Variants in MYOF observed in about 807,000 individuals in gnomAD.
The protein encoded by MYOF is myoferlin.
A neutral mutation model predicts 284.2 loss-of-function variants in MYOF; 244 were observed. The ratio of observed to expected loss-of-function variants is 0.86; its 90% CI spans 0.77 to 0.95. MYOF has a LOEUF of 0.95. Ranked by LOEUF, MYOF falls within the 40% of genes least tolerant of loss-of-function variation. The pLI is 0.00. For synonymous variants in MYOF, 904 were observed against 919.7 expected (o/e 0.98, Z 0.31); for missense variants, 2,496 against 2,560.6 (o/e 0.97, Z 0.54).
chr10:93,313,091 G>C lies in MYOF; in HGVS notation c.5818C>G (p.Leu1940Val). Residue 1940 changes from leucine to valine, a missense_variant, in exon 51 of 54, where the codon CTC becomes GTC. Coordinates refer to ENST00000359263, the MANE Select transcript of MYOF (RefSeq NM_013451.4). ...CCTTTCATGGACTTCTGCTCAAAGA[G>C]GGAGGCTGTCTTGGCTTTAAGGGGG... Reference protein sequence around the residue: ...MNPLKAKTASLFEQKSMKGWW... With the variant: ...MNPLKAKTASVFEQKSMKGWW... 1 of 1,614,146 alleles carries C rather than the reference G, an allele frequency of 6.2e-7. No individual in the cohort carries two copies. The highest frequency in any genetic ancestry group is 8.5e-7 in the Non-Finnish European group (1 of 1,180,006).
At chr10:93,436,471 G>C (rs1849124882) in intron 3 of MYOF, among the ~76,000 whole-genome samples, 1 of 131,810 alleles carries the variant, frequency 7.6e-6, no homozygotes, top group Non-Finnish European at 1.7e-5. Context: ...AAGAAAACTG[G>C]ATTTATTTAT....
chr10:93,333,519 C>CGG lies in MYOF; in HGVS notation c.4720-209_4720-208dup, dbSNP rs71483113. On this transcript the variant is annotated intron_variant, in intron 42 of 53. Coordinates refer to ENST00000359263, the MANE Select transcript of MYOF (RefSeq NM_013451.4). ...TGGGTGCAGGGGTGGTGGCAGGGGG[C>CGG]GGGGGGGAGTCCTGGCTCACACCTG... Among the ~76,000 whole-genome samples, 146 of 146,236 alleles carry CGG rather than the reference C, an allele frequency of 1.0e-3. 1 individual carries two copies. The highest frequency in any genetic ancestry group is 6.8e-3 in the Middle Eastern group (2 of 292).
At chr10:93,448,178 C>T (rs1018015406) in intron 3 of MYOF, among the ~76,000 whole-genome samples, 10 of 152,186 alleles carry the variant, frequency 6.6e-5, no homozygotes, top group African/African-American at 2.4e-4. Context: ...ACTTGCTATT[C>T]TCTGCCCAGA....
intron 39 of MYOF, chr10:93,338,605 T>C (rs1843722129): frequency 2.3e-6 from 1 of 437,402 alleles, no homozygotes; most frequent in African/African-American, 2.0e-5. Flanking sequence ...TTATAAAACG[T>C]GAAACGAAAG....
intron 1 of MYOF, among the ~76,000 whole-genome samples, chr10:93,481,166 C>T (rs10882243): frequency 0.18 from 26,761 of 152,174 alleles, 2,707 homozygotes; most frequent in East Asian, 0.52. Flanking sequence ...CCCTCCCCTG[C>T]AATGGCAATC....
In MYOF at chr10:93,455,772, A is replaced by C. The variant is rs547484827; in HGVS notation, c.144+1110T>G. On this transcript the variant is annotated intron_variant, in intron 2 of 53. Coordinates refer to ENST00000359263, the MANE Select transcript of MYOF (RefSeq NM_013451.4). Reference sequence around the variant, plus strand: ...GGGTGGAGGGGAGCCTTCATGGCCTAGTGACTTGGTGAAAATAACAAAGAC... The same window carrying C: ...GGGTGGAGGGGAGCCTTCATGGCCTCGTGACTTGGTGAAAATAACAAAGAC... Among the ~76,000 whole-genome samples, 6 of 152,306 alleles carry C rather than the reference A, an allele frequency of 3.9e-5. 1 individual carries two copies. The South Asian group carries it at 1.2e-3, about 32-fold the overall frequency.
In MYOF at chr10:93,482,234, T is replaced by G. The variant is rs763557752; in HGVS notation, c.-40A>C. On this transcript the variant is annotated 5_prime_UTR_variant, in exon 1 of 54. Coordinates refer to ENST00000359263, the MANE Select transcript of MYOF (RefSeq NM_013451.4). ...AGAAAGCAAGTTTCAGCAAACGAAG[T>G]GGAGACTAGGGCGCTGGAGCTCCGG... 1.9e-6 allele frequency: 3 copies of G among 1,566,144 alleles called. No individual in the cohort carries two copies. The highest frequency in any genetic ancestry group is 2.6e-6 in the Non-Finnish European group (3 of 1,140,620).
intron 53 of MYOF, among the ~76,000 whole-genome samples, chr10:93,307,340 G>T (rs753669783): frequency 5.9e-5 from 9 of 152,032 alleles, no homozygotes; most frequent in Non-Finnish European, 1.2e-4. Context: ...CTGTCGCCTA[G>T]GCTGGAGTGC....
chr10:93,401,115 T>C (rs548454289), intron 12 of MYOF, among the ~76,000 whole-genome samples: 188 of 152,294 alleles, frequency 1.2e-3, no homozygotes, highest in African/African-American at 4.3e-3. Flanking sequence ...TTGGAAGTGC[T>C]GACTGCTCAT....
intron 5 of MYOF, among the ~76,000 whole-genome samples, chr10:93,423,413 CCTT>C (rs1848437222): frequency 6.6e-6 from 1 of 150,574 alleles, no homozygotes; most frequent in Non-Finnish European, 1.5e-5. Context: ...TGTAATCCCA[CCTT>C]CTCGGGAGGC....
chr10:93,356,655 T>C lies in MYOF; in HGVS notation c.3294+20A>G. 5 of 1,606,848 alleles carry C rather than the reference T, an allele frequency of 3.1e-6. No homozygotes were observed. Among genetic ancestry groups the C allele is most frequent in the Non-Finnish European group, 3.4e-6 (4 of 1,177,238 alleles). On this transcript the variant is annotated intron_variant, in intron 30 of 53. Transcript: ENST00000359263. The stretch of plus-strand genomic sequence containing the variant: ...TTCTCTACACCAATATGATCTGCGC[T>C]CTGGCAACCTAGTACTTACAAGGGC...
At chr10:93,337,604 C>T (rs373000005) in intron 40 of MYOF, 43 of 497,876 alleles carry the variant, frequency 8.6e-5, no homozygotes, top group African/African-American at 7.2e-4. Context: ...GTGGCAGTCA[C>T]GTAACCATAA....
At chr10:93,312,408 C>T (rs145861876) in intron 51 of MYOF, among the ~76,000 whole-genome samples, 2,549 of 152,062 alleles carry the variant, frequency 0.017, 60 homozygotes, top group African/African-American at 0.057. Context: ...TACAGTGGCA[C>T]GATCTTGGCT....
chr10:93,443,470 CTCTGTG>C lies in MYOF; in HGVS notation c.236+8574_236+8579del, dbSNP rs1457947067. The stretch of plus-strand genomic sequence containing the variant: ...CTTTCTTCTCTCTCTCTCTCTCTCT[CTCTGTG>C]TGTGTGTGTGTGTGTGTGTGTGTGT... On this transcript the variant is annotated intron_variant, in intron 3 of 53. Transcript: ENST00000359263. Among the ~76,000 whole-genome samples, 162 of 117,646 alleles carry C rather than the reference CTCTGTG, an allele frequency of 1.4e-3. 1 individual carries two copies. Among genetic ancestry groups the C allele is most frequent in the African/African-American group, 2.7e-3 (97 of 35,470 alleles). 77.2% of individuals were successfully genotyped at this position (117,646 alleles called of 152,430 possible). A position where few individuals can be genotyped will look rare whatever the true frequency, so the allele number is the denominator to read the frequency against.
intron 38 of MYOF, 115 bp from the exon 39 acceptor site, chr10:93,340,279 G>T (rs890899974): frequency 9.8e-7 from 1 of 1,018,364 alleles, no homozygotes; most frequent in Non-Finnish European, 1.5e-6. Flanking sequence ...TATTATTCAT[G>T]CATGCCTTAT....
intron 5 of MYOF, among the ~76,000 whole-genome samples, chr10:93,411,721 C>A (rs1847908090): frequency 6.6e-6 from 1 of 152,284 alleles, no homozygotes; most frequent in South Asian, 2.1e-4. Context: ...GTGGGCCCTG[C>A]TCCTCATCAT....
intron 40 of MYOF, among the ~76,000 whole-genome samples, chr10:93,337,319 A>C (rs1056737322): frequency 7.2e-5 from 11 of 152,060 alleles, no homozygotes; most frequent in Non-Finnish European, 1.5e-4. Flanking sequence ...GCTCAGAGCT[A>C]GTCAGCCGTG....
In MYOF at chr10:93,337,841, T is replaced by A. The variant is rs540502257; in HGVS notation, c.4411A>T (p.Ile1471Phe). Residue 1471 changes from isoleucine (I) to phenylalanine (F), a missense_variant, in exon 40 of 54, where the codon ATT becomes TTT. By Grantham distance (21) the Ile-to-Phe change is conservative. This residue lies in a region of MYOF where 2,436 missense variants were observed against 2,480.7 expected (regional missense o/e 0.98). Coordinates refer to ENST00000359263, the MANE Select transcript of MYOF (RefSeq NM_013451.4). The stretch of plus-strand genomic sequence containing the variant: ...TTGAGCTTGGAATAGCCTTTCTGAA[T>A]ATACTGTCCGCATTTTTCATGTTCC... Reference protein sequence around the residue: ...SGEHEKCGQYIQKGYSKLKIY... With the variant: ...SGEHEKCGQYFQKGYSKLKIY... The A allele has an allele frequency of 3.0e-5, 48 of 1,614,072 alleles. No homozygotes were observed. In the South Asian group the frequency reaches 4.7e-4, roughly 16 times the overall value.
At chr10:93,373,678 T>C (rs927553914) in intron 23 of MYOF, among the ~76,000 whole-genome samples, 5 of 152,170 alleles carry the variant, frequency 3.3e-5, no homozygotes, top group Non-Finnish European at 7.4e-5. Flanking sequence ...CCTATAATCC[T>C]GTGTGCTTTT....
Sources: gnomAD v4.1 joint callset for allele counts (sites outside exome capture counted in the v4.1 genomes callset) on GRCh38, gnomAD v4.1.1 for gene constraint, gnomAD v4.1.1 regional missense constraint, MANE v1.5 for transcripts, NCBI Gene and HGNC (gene_info 2026-07-23, HGNC 2026-07-21) for gene names.